The following ALDH1A1 variants were observed in gnomAD, a reference collection of about 807,000 sequenced individuals.
ALDH1A1 encodes the protein aldehyde dehydrogenase 1A1.
Under a neutral mutation model 62.1 loss-of-function variants are expected in ALDH1A1, and 19 were observed. The observed-to-expected ratio is 0.31, with a 90% CI of 0.21 to 0.45. The LOEUF is 0.45. Among genes scored for constraint, ALDH1A1 ranks in the 20% least tolerant of loss-of-function variants. The pLI, the probability that ALDH1A1 is intolerant of heterozygous loss-of-function variation, is 1.00. For synonymous variants in ALDH1A1, 231 were observed against 215.9 expected, an observed-to-expected ratio of 1.07 and a Z score of -0.61; for missense variants, 521 against 607.1, an observed-to-expected ratio of 0.86 and a Z score of 1.49.
intron 12 of ALDH1A1, among the ~76,000 whole-genome samples, chr9:72,905,409 T>C (rs1829866128): frequency 6.6e-6 from 1 of 152,080 alleles, no homozygotes; most frequent in African/African-American, 2.4e-5. Context: ...TTTCCTCAAA[T>C]TTCCTTTTAG....
chr9:72,923,723 T>G (rs1217758150), intron 7 of ALDH1A1: 1 of 202,324 alleles, frequency 4.9e-6, no homozygotes, highest in Admixed American at 5.9e-5. Context: ...CCTAATTTTC[T>G]ATTATAAATC....
At chr9:72,921,592 T>C (rs1296492397) in intron 7 of ALDH1A1, among the ~76,000 whole-genome samples, 1 of 149,924 alleles carries the variant, frequency 6.7e-6, no homozygotes, top group Non-Finnish European at 1.5e-5. Flanking sequence ...GTTACATATG[T>C]ATACATGTGC....
At chr9:72,909,457 C>G in intron 11 of ALDH1A1, 145 bp downstream of exon 11, 8 of 779,482 alleles carry the variant, frequency 1.0e-5, no homozygotes, top group Non-Finnish European at 1.3e-5. Flanking sequence ...CGCACCCAGC[C>G]TTTTGTTTGT....
intron 1 of ALDH1A1, among the ~76,000 whole-genome samples, chr9:72,946,357 G>A (rs1472935950): frequency 6.6e-6 from 1 of 151,976 alleles, no homozygotes. Flanking sequence ...AACGGTTCAG[G>A]CAAAGTTTTT....
chr9:72,946,947 C>T (rs1186860126), intron 1 of ALDH1A1, among the ~76,000 whole-genome samples: 3 of 151,888 alleles, frequency 2.0e-5, no homozygotes, highest in Non-Finnish European at 4.4e-5. Flanking sequence ...GTGTTTCCCT[C>T]ATTCTGGCAA....
chr9:72,912,851 GT>G (rs1383852999), intron 9 of ALDH1A1, among the ~76,000 whole-genome samples: 6 of 152,166 alleles, frequency 3.9e-5, no homozygotes, highest in African/African-American at 1.4e-4. Flanking sequence ...TGAGTTTGGA[GT>G]TCTGGTTGTG....
At chr9:72,950,156 C>T (rs1229304398) in intron 1 of ALDH1A1, among the ~76,000 whole-genome samples, 1 of 151,842 alleles carries the variant, frequency 6.6e-6, no homozygotes, top group Non-Finnish European at 1.5e-5. Context: ...AATCATTTCC[C>T]ATGTCCAGGC....
intron 7 of ALDH1A1, chr9:72,923,736 C>G (rs1830169281): frequency 4.6e-6 from 1 of 217,688 alleles, no homozygotes; most frequent in African/African-American, 2.3e-5. Flanking sequence ...TATAAATCTT[C>G]CTAATAATAT....
rs1373648668 is a variant in ALDH1A1 at position 72,901,177 on chromosome 9, T to C, written c.*31A>G. The C allele has an allele frequency of 2.6e-6, 4 of 1,516,592 alleles. No homozygotes were observed. The highest frequency in any genetic ancestry group is 3.7e-6 in the Non-Finnish European group (4 of 1,093,806). 93.9% of individuals were successfully genotyped at this position (1,516,592 alleles called of 1,614,324 possible). ...TGACTGTAAGGAGATGCTTAGCTAT[T>C]GAAGAGCTTCTCTCCACTCTTGTAT... On this transcript the variant is annotated 3_prime_UTR_variant, in exon 13 of 13. Transcript: ENST00000297785.
intron 6 of ALDH1A1, 134 bp downstream of exon 6, chr9:72,925,350 T>G (rs944893866): frequency 9.7e-7 from 1 of 1,031,692 alleles, no homozygotes; most frequent in Non-Finnish European, 1.3e-6. Context: ...CCAGCCGTCA[T>G]GCTAAATGTA....
chr9:72,916,409 C>G (rs142581329), intron 9 of ALDH1A1, among the ~76,000 whole-genome samples: 29 of 152,220 alleles, frequency 1.9e-4, no homozygotes, highest in Non-Finnish European at 3.5e-4. Context: ...TGGGCTTTAA[C>G]AACTGAAATA....
intron 2 of ALDH1A1, among the ~76,000 whole-genome samples, 192 bp from the exon 3 acceptor site, chr9:72,931,211 G>T (rs1305252985): frequency 6.6e-6 from 1 of 152,166 alleles, no homozygotes; most frequent in African/African-American, 2.4e-5. Flanking sequence ...ATCTTTACAT[G>T]ATGAGCTCCA....
chr9:72,940,620 A>T (rs1346215383), intron 1 of ALDH1A1, among the ~76,000 whole-genome samples: 1 of 152,160 alleles, frequency 6.6e-6, no homozygotes, highest in Non-Finnish European at 1.5e-5. Flanking sequence ...AATTCTGAAC[A>T]TCCTCATTTT....
intron 1 of ALDH1A1, among the ~76,000 whole-genome samples, chr9:72,951,522 C>A (rs1473420671): frequency 6.6e-6 from 1 of 151,532 alleles, no homozygotes; most frequent in African/African-American, 2.4e-5. Context: ...AAAAAAAATC[C>A]CATTAATAAT....
At chr9:72,940,882 G>A (rs905104692) in intron 1 of ALDH1A1, among the ~76,000 whole-genome samples, 3 of 152,088 alleles carry the variant, frequency 2.0e-5, no homozygotes, top group Admixed American at 1.3e-4. Context: ...AAATAGACAT[G>A]CAACTAAAGA....
intron 10 of ALDH1A1, 21 bp downstream of exon 10, chr9:72,911,935 CAG>C: frequency 6.2e-7 from 1 of 1,612,934 alleles, no homozygotes; most frequent in Admixed American, 1.7e-5. Flanking sequence ...ACAAAAAGAA[CAG>C]AACAGAATGA....
At chr9:72,942,728 T>C (rs184986558) in intron 1 of ALDH1A1, among the ~76,000 whole-genome samples, 129 of 152,264 alleles carry the variant, frequency 8.5e-4, no homozygotes, top group African/African-American at 3.0e-3. Context: ...TCAAACACCA[T>C]GCTGTTTTTT....
intron 8 of ALDH1A1, 69 bp from the exon 9 acceptor site, chr9:72,917,173 G>A (rs1830077101): frequency 8.4e-7 from 1 of 1,192,722 alleles, no homozygotes; most frequent in Non-Finnish European, 1.1e-6. Context: ...TTTCTCAGAG[G>A]CAACATGGAG....
intron 1 of ALDH1A1, among the ~76,000 whole-genome samples, chr9:72,944,495 T>A (rs983930850): frequency 6.6e-6 from 1 of 152,052 alleles, no homozygotes; most frequent in African/African-American, 2.4e-5. Context: ...CTGTTTTAAT[T>A]ATAGGAGCTT....
Sources: gnomAD v4.1 joint callset for allele counts (sites outside exome capture counted in the v4.1 genomes callset) on GRCh38, gnomAD v4.1.1 for gene constraint, MANE v1.5 for transcripts, NCBI Gene and HGNC (gene_info 2026-07-23, HGNC 2026-07-21) for gene names.